The following ABTB2 variants were observed in gnomAD, a reference collection of about 807,000 sequenced individuals.
The protein encoded by ABTB2 is ankyrin repeat and BTB domain containing 2.
Under a neutral mutation model 104.1 loss-of-function variants are expected in ABTB2, and 56 were observed. That is an observed-to-expected ratio of 0.54 (90% CI 0.43 to 0.67). The LOEUF (loss-of-function observed/expected upper bound fraction) is 0.67. ABTB2 is among the 30% of genes least tolerant of loss of function. ABTB2 has a pLI of 0.00. For synonymous variants in ABTB2, 606 were observed against 608.2 expected, an observed-to-expected ratio of 1.00 and a Z score of 0.05; for missense variants, 1,279 against 1,407.7, an observed-to-expected ratio of 0.91 and a Z score of 1.46.
chr11:34,296,736 A>G (rs1854627173), intron 1 of ABTB2, among the ~76,000 whole-genome samples: 2 of 152,234 alleles, frequency 1.3e-5, no homozygotes, highest in Non-Finnish European at 1.5e-5. Flanking sequence ...GAAATGCTGT[A>G]CGCTTCAAAA....
chr11:34,294,374 G>A (rs1414917207), intron 1 of ABTB2, among the ~76,000 whole-genome samples: 3 of 152,140 alleles, frequency 2.0e-5, no homozygotes, highest in African/African-American at 7.2e-5. Flanking sequence ...ATGGGCCTTT[G>A]AGTCTGACAA....
At chr11:34,304,904 ATG>A (rs1416854342) in intron 1 of ABTB2, among the ~76,000 whole-genome samples, 1 of 152,186 alleles carries the variant, frequency 6.6e-6, no homozygotes, top group African/African-American at 2.4e-5. Context: ...CCCAGAGTGA[ATG>A]TGTGTTTCCT....
intron 1 of ABTB2, among the ~76,000 whole-genome samples, chr11:34,289,714 T>C (rs1203011839): frequency 6.6e-6 from 1 of 152,152 alleles, no homozygotes; most frequent in Non-Finnish European, 1.5e-5. Context: ...AGGCAATGCA[T>C]GAGACACCCT....
At position 34,162,596 on chromosome 11, in the gene ABTB2, G is replaced by A. The variant is rs374532471; in HGVS notation, c.2198C>T (p.Thr733Ile). The A allele has an allele frequency of 6.2e-7, 1 of 1,613,466 alleles. No individual in the cohort carries two copies. The highest frequency in any genetic ancestry group is 8.5e-7 in the Non-Finnish European group (1 of 1,179,974). ...CTCACCCAGTGCCCTCAGCTCCATG[G>A]TGATGTCCACGTAGCCGTGCTCAGC... ...YSAEHGYVDI[T>I]MELRALGVPW... The change falls in exon 10 of 17, where the codon ACC becomes ATC. Residue 733 changes from threonine to isoleucine, a missense_variant. Physicochemically the swap from Thr to Ile is moderately conservative, Grantham distance 89 (BLOSUM62 -1). Coordinates refer to ENST00000435224, the MANE Select transcript of ABTB2 (RefSeq NM_145804.3).
chr11:34,239,630 G>C (rs562116234), intron 1 of ABTB2, among the ~76,000 whole-genome samples: 1 of 152,126 alleles, frequency 6.6e-6, no homozygotes, highest in Non-Finnish European at 1.5e-5. Flanking sequence ...CACCCGGCCT[G>C]TCTCTGCCTT....
intron 1 of ABTB2, among the ~76,000 whole-genome samples, chr11:34,278,056 C>T (rs1346682139): frequency 6.6e-6 from 1 of 151,832 alleles, no homozygotes; most frequent in Admixed American, 6.6e-5. Context: ...GCCCGCCTCG[C>T]CCTGCCAAAG....
chr11:34,215,663 A>G lies in ABTB2; in HGVS notation c.884-10973T>C, dbSNP rs544071419. ...AGTTACTTGAGCTCTCTGAGCCACA[A>G]TTTGTTTCTCTGGATAATAGGCCTA... On this transcript the variant is annotated intron_variant, in intron 1 of 16. Transcript: ENST00000435224. Among the ~76,000 whole-genome samples the G allele has an allele frequency of 9.8e-5, 15 of 152,310 alleles. No individual in the cohort carries two copies. In the South Asian group the frequency reaches 2.3e-3, roughly 23 times the overall value.
At chr11:34,153,767 T>C (rs1852581980) in intron 16 of ABTB2, among the ~76,000 whole-genome samples, 1 of 151,936 alleles carries the variant, frequency 6.6e-6, no homozygotes, top group Non-Finnish European at 1.5e-5. Context: ...GCGAGGGCAG[T>C]GGAGATGAAG....
chr11:34,328,586 T>C (rs1855096077), intron 1 of ABTB2, among the ~76,000 whole-genome samples: 1 of 152,248 alleles, frequency 6.6e-6, no homozygotes, highest in African/African-American at 2.4e-5. Context: ...CTGTTATTAC[T>C]GCAACAGGAT....
At chr11:34,170,761 G>T in intron 5 of ABTB2, 145 bp downstream of exon 5, 2 of 937,196 alleles carry the variant, frequency 2.1e-6, no homozygotes, top group Non-Finnish European at 3.1e-6. Flanking sequence ...GACCAGGCAG[G>T]GCAGGATTCA....
Position 34,357,057 on chromosome 11 carries a change from A to T in ABTB2, c.527T>A (p.Leu176Gln), listed in dbSNP as rs1400033702. 4 of 1,527,162 alleles carry T rather than the reference A, an allele frequency of 2.6e-6. No individual in the cohort carries two copies. Among genetic ancestry groups the T allele is most frequent in the African/African-American group, 1.4e-5 (1 of 72,882 alleles). 94.6% of individuals were successfully genotyped at this position (1,527,162 alleles called of 1,614,324 possible). Residue 176 changes from leucine to glutamine, a missense_variant, in exon 1 of 17, where the codon CTG becomes CAG. By Grantham distance (113) the Leu-to-Gln change is moderately radical (BLOSUM62 -2). Coordinates refer to ENST00000435224, the MANE Select transcript of ABTB2 (RefSeq NM_145804.3). ...HSWALAESCA[L>Q]AAVKALSLYS... ...CAGGGACAGCGCCTTGACGGCTGCC[A>T]GCGCGCAGCTCTCGGCCAGCGCCCA...
chr11:34,237,299 T>TC (rs1445052113), intron 1 of ABTB2, among the ~76,000 whole-genome samples: 4 of 145,428 alleles, frequency 2.8e-5, no homozygotes, highest in African/African-American at 8.1e-5. Flanking sequence ...TTTTTTTTTT[T>TC]AGACCGAGTC....
chr11:34,183,745 C>T (rs1853058416), intron 3 of ABTB2, among the ~76,000 whole-genome samples: 1 of 152,196 alleles, frequency 6.6e-6, no homozygotes, highest in African/African-American at 2.4e-5. Context: ...TGCTCACTGA[C>T]GTTTCCCCAT....
chr11:34,249,367 T>C (rs1854026371), intron 1 of ABTB2, among the ~76,000 whole-genome samples: 1 of 152,178 alleles, frequency 6.6e-6, no homozygotes, highest in Non-Finnish European at 1.5e-5. Context: ...GGTGAAATAA[T>C]AGCTTCACAT....
intron 3 of ABTB2, among the ~76,000 whole-genome samples, chr11:34,193,565 C>G (rs1590212651): frequency 6.6e-6 from 1 of 152,360 alleles, no homozygotes; most frequent in East Asian, 1.9e-4. Flanking sequence ...AGCCAGGTAC[C>G]CCGCGGCCTC....
chr11:34,356,507 A>G lies in ABTB2; in HGVS notation c.883+194T>C, dbSNP rs1590269144. On this transcript the variant is annotated intron_variant, in intron 1 of 16. Coordinates refer to ENST00000435224, the MANE Select transcript of ABTB2 (RefSeq NM_145804.3). This position sits in a 1 kb window ranked among gnomAD's most constrained non-coding sequence, Gnocchi z 4.6. ...CAGGATGGAGATCATTCACAAGTTT[A>G]CCCTCCAAAAGTCAGACACCCTTAG... Among the ~76,000 whole-genome samples, 3 of 152,134 alleles carry G rather than the reference A, an allele frequency of 2.0e-5. No individual in the cohort carries two copies. The highest frequency in any genetic ancestry group is 2.0e-4 in the Admixed American group (3 of 15,270).
At chr11:34,298,826 G>A (rs959475676) in intron 1 of ABTB2, among the ~76,000 whole-genome samples, 2 of 152,110 alleles carry the variant, frequency 1.3e-5, no homozygotes, top group African/African-American at 4.8e-5. Context: ...GTGGGCTTGG[G>A]GACACAAAAG....
In ABTB2 at chr11:34,335,798, G is replaced by A. The variant is rs947310013; in HGVS notation, c.883+20903C>T. The A allele has an allele frequency of 5.9e-6, 8 of 1,358,478 alleles. No individual in the cohort carries two copies. In the African/African-American group the frequency reaches 1.1e-4, roughly 19 times the overall value. 84.2% of individuals were successfully genotyped at this position (1,358,478 alleles called of 1,614,324 possible). On this transcript the variant is annotated intron_variant, in intron 1 of 16. Transcript: ENST00000435224. Reference sequence around the variant, plus strand: ...ATGATCCCAGGAAGCTTGAACCTCTGATCTTGAGGTCCAAACGGTCCCATA... The same window carrying A: ...ATGATCCCAGGAAGCTTGAACCTCTAATCTTGAGGTCCAAACGGTCCCATA...
At chr11:34,156,080 C>T (rs1053099940) in intron 14 of ABTB2, among the ~76,000 whole-genome samples, 5 of 152,224 alleles carry the variant, frequency 3.3e-5, no homozygotes, top group African/African-American at 1.2e-4. Flanking sequence ...AGGGCCAGGC[C>T]TACCAGCCAC....
Sources: gnomAD v4.1 joint callset for allele counts (sites outside exome capture counted in the v4.1 genomes callset) on GRCh38, gnomAD v4.1.1 for gene constraint, Gnocchi (gnomAD v3.1) non-coding constraint, MANE v1.5 for transcripts, NCBI Gene and HGNC (gene_info 2026-07-23, HGNC 2026-07-21) for gene names.